The following ADAMTS17 variants were observed in gnomAD, a reference collection of about 807,000 sequenced individuals.
ADAMTS17 encodes ADAM metallopeptidase with thrombospondin type 1 motif 17.
A neutral mutation model predicts 141.5 loss-of-function variants in ADAMTS17; 113 were observed. That is an observed-to-expected ratio of 0.80 (90% CI 0.69 to 0.93). The LOEUF is 0.93. ADAMTS17 is among the 40% of genes least tolerant of loss of function. The pLI is 0.00. For missense variants in ADAMTS17, 1,659 were observed against 1,517.9 expected (o/e 1.09, Z -1.54); for synonymous variants, 768 against 630.6 (o/e 1.22, Z -3.27).
At chr15:100,226,132 TCACGGCCTCTGTGCCCATTCAGTCCTTAC>T (rs2042305654) in intron 7 of ADAMTS17, among the ~76,000 whole-genome samples, 1 of 152,102 alleles carries the variant, frequency 6.6e-6, no homozygotes, top group African/African-American at 2.4e-5. Flanking sequence ...CTTACAGCAG[TCACGGCCTCTGTGCCCATTCAGTCCTTAC>T]AGCAGTCATG....
chr15:100,026,219 GAAC>G (rs1357612684), intron 18 of ADAMTS17, among the ~76,000 whole-genome samples: 2 of 152,180 alleles, frequency 1.3e-5, no homozygotes, highest in Non-Finnish European at 2.9e-5. Flanking sequence ...AAGTTTTGTA[GAAC>G]AATAGTTTAT....
intron 20 of ADAMTS17, among the ~76,000 whole-genome samples, chr15:99,978,053 C>A (rs1044272869): frequency 6.6e-6 from 1 of 152,192 alleles, no homozygotes; most frequent in Non-Finnish European, 1.5e-5. Flanking sequence ...TCTCTGAATG[C>A]CACACGTGGT....
chr15:100,120,082 T>C (rs912502191), intron 12 of ADAMTS17, among the ~76,000 whole-genome samples: 1 of 152,196 alleles, frequency 6.6e-6, no homozygotes, highest in African/African-American at 2.4e-5. Flanking sequence ...ACGTGAACTA[T>C]ATTATCAGAG....
intron 3 of ADAMTS17, among the ~76,000 whole-genome samples, chr15:100,323,033 G>A (rs555871483): frequency 3.2e-4 from 45 of 142,342 alleles, no homozygotes; most frequent in Middle Eastern, 4.1e-3. Flanking sequence ...CTTGCAGTGA[G>A]CTGAGATTGT....
chr15:100,261,167 G>A (rs573235176), intron 6 of ADAMTS17, among the ~76,000 whole-genome samples: 1 of 152,288 alleles, frequency 6.6e-6, no homozygotes, highest in Non-Finnish European at 1.5e-5. Context: ...ACTGGAGTAA[G>A]GTGAGCCCAA....
At chr15:100,163,088 T>A (rs2039805059) in intron 8 of ADAMTS17, among the ~76,000 whole-genome samples, 1 of 150,420 alleles carries the variant, frequency 6.6e-6, no homozygotes, top group Non-Finnish European at 1.5e-5. Flanking sequence ...AACTATATAG[T>A]TCTATATAGT....
At chr15:99,992,672 T>C (rs2060713631) in intron 20 of ADAMTS17, among the ~76,000 whole-genome samples, 2 of 151,902 alleles carry the variant, frequency 1.3e-5, no homozygotes, top group African/African-American at 4.8e-5. Flanking sequence ...CGGGAGTGAA[T>C]GGAAGTGATG....
chr15:99,976,218 G>C lies in ADAMTS17; in HGVS notation c.2954C>G (p.Ser985Trp), dbSNP rs1353227852. The change falls in exon 21 of 22, where the codon TCG becomes TGG. Residue 985 changes from serine to tryptophan, a missense_variant. Coordinates refer to ENST00000268070, the MANE Select transcript of ADAMTS17 (RefSeq NM_139057.4). The stretch of plus-strand genomic sequence containing the variant: ...CTGCAGGCCCTTCCCGCAGGTCGAC[G>C]AGCACTGCAGAGACAGGACAGCCTG... ...EWKTGDWSTC[S>W]STCGKGLQSR... 6.5e-7 allele frequency: 1 copy of C among 1,544,928 alleles called. No individual in the cohort carries two copies. Among genetic ancestry groups the C allele is most frequent in the Non-Finnish European group, 8.7e-7 (1 of 1,146,956 alleles).
rs1253106126 is a variant in ADAMTS17, at chr15:99,973,680, A to AAATT, written c.*718_*721dup. The AAATT allele has an allele frequency of 6.5e-6, 1 of 154,300 alleles. No homozygotes were observed. Among genetic ancestry groups the AAATT allele is most frequent in the African/African-American group, 2.4e-5 (1 of 41,448 alleles). The allele number at this position is 154,300 out of a possible 1,614,324, so 9.6% of individuals were successfully genotyped here. ...TACACGGTGGACAGCAGAGCTCTGAAAATTAGATGCTTCCCCAAACCCAGA... is the reference window on the plus strand; with the variant it reads ...TACACGGTGGACAGCAGAGCTCTGAAAATTAATTAGATGCTTCCCCAAACCCAGA... On this transcript the variant is annotated 3_prime_UTR_variant, in exon 22 of 22. Transcript: ENST00000268070.
intron 7 of ADAMTS17, among the ~76,000 whole-genome samples, chr15:100,205,366 C>G (rs775587931): frequency 6.6e-6 from 1 of 152,162 alleles, no homozygotes; most frequent in East Asian, 1.9e-4. Flanking sequence ...GAAACCAAAA[C>G]ATGCCGGGAG....
At chr15:100,319,105 G>C (rs35397338) in intron 3 of ADAMTS17, among the ~76,000 whole-genome samples, 1 of 152,274 alleles carries the variant, frequency 6.6e-6, no homozygotes, top group Non-Finnish European at 1.5e-5. Context: ...AAATGACTCA[G>C]TGAAGACTTT....
chr15:100,234,204 G>A (rs990178593), intron 7 of ADAMTS17, among the ~76,000 whole-genome samples: 1 of 152,188 alleles, frequency 6.6e-6, no homozygotes, highest in African/African-American at 2.4e-5. Flanking sequence ...TGGATTAGAA[G>A]TGTGTATCGG....
chr15:99,972,904 A>C lies in ADAMTS17; in HGVS notation c.*1498T>G, dbSNP rs901005119. ...AAACACAGAAACACAGCACCAATAA[A>C]TCAAGAAGCACAGGGAGATGATCCC... On this transcript the variant is annotated 3_prime_UTR_variant, in exon 22 of 22. Coordinates refer to ENST00000268070, the MANE Select transcript of ADAMTS17 (RefSeq NM_139057.4). The C allele has an allele frequency of 6.6e-6, 1 of 152,218 alleles. No individual in the cohort carries two copies. The highest frequency in any genetic ancestry group is 1.5e-5 in the Non-Finnish European group (1 of 68,040). 9.4% of individuals were successfully genotyped at this position (152,218 alleles called of 1,614,324 possible). A position where few individuals can be genotyped will look rare whatever the true frequency, so the allele number is the denominator to read the frequency against.
chr15:100,155,709 C>T (rs560382375), intron 8 of ADAMTS17, among the ~76,000 whole-genome samples: 97 of 152,330 alleles, frequency 6.4e-4, no homozygotes, highest in African/African-American at 2.3e-3. Context: ...TAGAGATAAT[C>T]ACTGTGCTAA....
At chr15:100,314,940 T>C (rs949532796) in intron 3 of ADAMTS17, among the ~76,000 whole-genome samples, 1 of 152,204 alleles carries the variant, frequency 6.6e-6, no homozygotes, top group African/African-American at 2.4e-5. Flanking sequence ...CGACCGTCCC[T>C]GGAGAGTGCA....
At chr15:100,226,533 C>T in intron 7 of ADAMTS17, among the ~76,000 whole-genome samples, 1 of 152,236 alleles carries the variant, frequency 6.6e-6, no homozygotes, top group East Asian at 1.9e-4. Flanking sequence ...GTGATATGGA[C>T]ACATGCAGAG....
intron 15 of ADAMTS17, among the ~76,000 whole-genome samples, chr15:100,058,768 C>T (rs942488166): frequency 2.6e-5 from 4 of 152,074 alleles, no homozygotes; most frequent in Admixed American, 6.5e-5. Flanking sequence ...TTGTCTGTAG[C>T]GGAATGGGTG....
At chr15:100,333,731 G>A (rs1164967280) in intron 2 of ADAMTS17, among the ~76,000 whole-genome samples, 1 of 152,234 alleles carries the variant, frequency 6.6e-6, no homozygotes, top group Non-Finnish European at 1.5e-5. Context: ...CATCTATGCG[G>A]GGAAGGGAGA....
At chr15:100,041,169 G>A (rs1407765175) in intron 18 of ADAMTS17, among the ~76,000 whole-genome samples, 2 of 152,152 alleles carry the variant, frequency 1.3e-5, no homozygotes, top group East Asian at 3.9e-4. Context: ...TAAGATAATT[G>A]AGGAAGGAGA....
Sources: gnomAD v4.1 joint callset for allele counts (sites outside exome capture counted in the v4.1 genomes callset) on GRCh38, gnomAD v4.1.1 for gene constraint, MANE v1.5 for transcripts, NCBI Gene and HGNC (gene_info 2026-07-23, HGNC 2026-07-21) for gene names.